PIEZO2: variants seen among roughly 807,000 people sequenced by gnomAD.
PIEZO2 encodes the protein piezo type mechanosensitive ion channel component 2.
A neutral mutation model predicts 337.3 loss-of-function variants in PIEZO2; 172 were observed. That is an observed-to-expected ratio of 0.51 (90% confidence interval 0.45 to 0.58). PIEZO2 has a LOEUF of 0.58. Among genes scored for constraint, PIEZO2 ranks in the 20% least tolerant of loss-of-function variants. The pLI is 0.00. For missense variants in PIEZO2, 3,028 were observed against 3,391.3 expected, an observed-to-expected ratio of 0.89 and a Z score of 2.66; for synonymous variants, 1,251 against 1,228.5, an observed-to-expected ratio of 1.02 and a Z score of -0.38.
intron 11 of PIEZO2, 43 bp downstream of exon 11, chr18:10,800,294 A>T (rs978421319): frequency 6.6e-7 from 1 of 1,505,296 alleles, no homozygotes; most frequent in East Asian, 2.5e-5. Flanking sequence ...CAAGCTTCTA[A>T]ATGAGGAAGA....
At chr18:10,762,422 T>C in intron 23 of PIEZO2, 78 bp downstream of exon 23, 1 of 1,472,318 alleles carries the variant, frequency 6.8e-7, no homozygotes, top group South Asian at 1.3e-5. Flanking sequence ...AATGTGATGT[T>C]AAGCGTCTCA....
At chr18:10,975,166 C>T (rs989179953) in intron 3 of PIEZO2, among the ~76,000 whole-genome samples, 5 of 152,140 alleles carry the variant, frequency 3.3e-5, no homozygotes, top group Admixed American at 6.5e-5. Context: ...ACAAATTTTC[C>T]CTATATAGTT....
At position 10,759,915 on chromosome 18, in the gene PIEZO2, T is replaced by C; in HGVS notation, c.3451-6A>G. 1 of 1,534,102 alleles carries C rather than the reference T, an allele frequency of 6.5e-7. No individual in the cohort carries two copies. Among genetic ancestry groups the C allele is most frequent in the South Asian group, 1.2e-5 (1 of 83,994 alleles). On this transcript the variant is annotated splice_region_variant and splice_polypyrimidine_tract_variant and intron_variant, in intron 24 of 55. Transcript: ENST00000674853. The surrounding 1 kb of genome is among the most constrained non-coding windows in gnomAD (Gnocchi z 5.5). ...ACTGACATTAGGAAACAGGTCTGTG[T>C]AAAGATGAAAAGAGGCAAAAAAAAA...
chr18:11,103,009 G>A (rs190876245), intron 1 of PIEZO2, among the ~76,000 whole-genome samples: 1 of 152,256 alleles, frequency 6.6e-6, no homozygotes, highest in African/African-American at 2.4e-5. Flanking sequence ...GGCTAGGGGA[G>A]GGGTGCACTA....
Position 10,826,807 on chromosome 18 carries a change from A to G in PIEZO2, c.918-19533T>C, listed in dbSNP as rs555434932. ...GTTGCGTATTCACCACTACGGTACCATACAGAATAATGTCACCACCCTAAA... is the reference window on the plus strand; with the variant it reads ...GTTGCGTATTCACCACTACGGTACCGTACAGAATAATGTCACCACCCTAAA... On this transcript the variant is annotated intron_variant, in intron 7 of 55. Transcript: ENST00000674853. Among the ~76,000 whole-genome samples, 13 of 152,340 alleles carry G rather than the reference A, an allele frequency of 8.5e-5. No individual in the cohort carries two copies. The South Asian group carries it at 1.7e-3, about 19-fold the overall frequency.
chr18:10,966,879 C>T (rs2034022987), intron 3 of PIEZO2, among the ~76,000 whole-genome samples: 1 of 152,058 alleles, frequency 6.6e-6, no homozygotes, highest in Non-Finnish European at 1.5e-5. Flanking sequence ...TGTTTGGTTT[C>T]CCATTCCTGA....
At chr18:11,067,899 C>A (rs2038203228) in intron 1 of PIEZO2, among the ~76,000 whole-genome samples, 1 of 152,152 alleles carries the variant, frequency 6.6e-6, no homozygotes, top group Admixed American at 6.5e-5. Flanking sequence ...TATCCAACAG[C>A]AGCAGAATAC....
At chr18:10,793,543 C>T (rs984758629) in intron 13 of PIEZO2, among the ~76,000 whole-genome samples, 1 of 152,020 alleles carries the variant, frequency 6.6e-6, no homozygotes, top group Non-Finnish European at 1.5e-5. Flanking sequence ...CATTGCTATT[C>T]GGAGTGAGAC....
chr18:10,751,126 C>A (rs1425304381), intron 28 of PIEZO2, among the ~76,000 whole-genome samples: 1 of 152,148 alleles, frequency 6.6e-6, no homozygotes, highest in Non-Finnish European at 1.5e-5. Context: ...TATCATTAAC[C>A]CATTGCATCA....
At position 10,672,051 on chromosome 18, in the gene PIEZO2, C is replaced by T. The variant is rs1165726789; in HGVS notation, c.8346-272G>A. Among the ~76,000 whole-genome samples the T allele has an allele frequency of 2.6e-5, 4 of 152,018 alleles. No homozygotes were observed. Among genetic ancestry groups the T allele is most frequent in the African/African-American group, 7.2e-5 (3 of 41,382 alleles). ...CATTCTGTAAATAATCAATGCTAAC[C>T]GTTTCATGTATGAACTTTAGGTGGT... On this transcript the variant is annotated intron_variant, in intron 55 of 55. Transcript: ENST00000674853. The surrounding 1 kb of genome is among the most constrained non-coding windows in gnomAD (Gnocchi z 4.7).
At chr18:11,039,753 C>T (rs2037049897) in intron 2 of PIEZO2, among the ~76,000 whole-genome samples, 1 of 140,288 alleles carries the variant, frequency 7.1e-6, no homozygotes, top group Non-Finnish European at 1.5e-5. Flanking sequence ...AATAGGCACA[C>T]ACACACACAC....
At chr18:10,991,278 T>C (rs1300436139) in intron 2 of PIEZO2, among the ~76,000 whole-genome samples, 1 of 151,738 alleles carries the variant, frequency 6.6e-6, no homozygotes, top group African/African-American at 2.4e-5. Context: ...ATGTACAGAA[T>C]GTGCAGTTTT....
intron 3 of PIEZO2, among the ~76,000 whole-genome samples, chr18:10,968,868 T>C (rs75094993): frequency 0.02 from 3,024 of 152,304 alleles, 112 homozygotes; most frequent in African/African-American, 0.068. Context: ...GCATAAATTA[T>C]ATTAGCAACT....
chr18:10,963,412 T>C (rs907486256), intron 3 of PIEZO2, among the ~76,000 whole-genome samples: 9 of 152,182 alleles, frequency 5.9e-5, no homozygotes, highest in African/African-American at 1.9e-4. Context: ...CTAGGTACAA[T>C]AGAAAGGTCT....
In PIEZO2 at chr18:11,003,046, C is replaced by G. The variant is rs11878033; in HGVS notation, c.161-23386G>C. 0.044 allele frequency among the ~76,000 whole-genome samples: 6,750 copies of G among 152,246 alleles called. 522 individuals are homozygous for G. Among genetic ancestry groups the G allele is most frequent in the African/African-American group, 0.15 (6,257 of 41,512 alleles). ...ATCCGTTGCATGAGGTCAAGGACAG[C>G]CTTAAGCACAAGGAGATTCTAACCT... On this transcript the variant is annotated intron_variant, in intron 2 of 55. Transcript: ENST00000674853. This position sits in a 1 kb window ranked among gnomAD's most constrained non-coding sequence, Gnocchi z 4.6.
rs1407789581 is a variant in PIEZO2 at position 10,943,611 on chromosome 18, G to A, written c.287-32383C>T. Among the ~76,000 whole-genome samples the A allele has an allele frequency of 6.6e-6, 1 of 152,208 alleles. No individual in the cohort carries two copies. Among genetic ancestry groups the A allele is most frequent in the Non-Finnish European group, 1.5e-5 (1 of 68,040 alleles). On this transcript the variant is annotated intron_variant, in intron 3 of 55. Coordinates refer to ENST00000674853, the MANE Select transcript of PIEZO2 (RefSeq NM_001378183.1). This position sits in a 1 kb window ranked among gnomAD's most constrained non-coding sequence, Gnocchi z 4.5. The stretch of plus-strand genomic sequence containing the variant: ...TTTTGATTTTACAGGCTCATAAGCA[G>A]GAAGGAACTTGCCTTGTCTTGGATA...
intron 3 of PIEZO2, among the ~76,000 whole-genome samples, chr18:10,921,478 A>G (rs1598691575): frequency 2.0e-5 from 3 of 152,310 alleles, no homozygotes; most frequent in African/African-American, 7.2e-5. Context: ...TCACTTCCCC[A>G]GTAAATATCC....
At chr18:10,967,162 C>A (rs896767577) in intron 3 of PIEZO2, among the ~76,000 whole-genome samples, 6 of 151,646 alleles carry the variant, frequency 4.0e-5, no homozygotes, top group Non-Finnish European at 8.8e-5. Context: ...GGATTACAGG[C>A]GCATGCCAGG....
At chr18:10,886,488 A>ATATATATATATATATGTG (rs1491203174) in intron 4 of PIEZO2, among the ~76,000 whole-genome samples, 2 of 10,832 alleles carry the variant, frequency 1.8e-4, no homozygotes, top group African/African-American at 5.9e-4. Flanking sequence ...TATCCAAACC[A>ATATATATATATATATGTG]TATATATATA....
Sources: allele counts gnomAD v4.1 joint callset (sites outside exome capture counted in the v4.1 genomes callset), GRCh38; gene constraint gnomAD v4.1.1; non-coding constraint Gnocchi (gnomAD v3.1); transcripts MANE v1.5; gene names NCBI Gene and HGNC (gene_info 2026-07-23, HGNC 2026-07-21).